The following TFEC variants were observed in gnomAD, a reference collection of about 807,000 sequenced individuals.
TFEC encodes transcription factor EC.
In TFEC, 31 loss-of-function variants were observed where a neutral mutation model predicts 41.6. The observed-to-expected ratio is 0.74, with a 90% CI of 0.56 to 1.01. The LOEUF (loss-of-function observed/expected upper bound fraction) is 1.01, where lower values mean the gene tolerates loss of function less well. Among genes scored for constraint, TFEC ranks in the 50% least tolerant of loss-of-function variants. The pLI is 0.00. For synonymous variants in TFEC, 143 were observed against 140.6 expected (o/e 1.02, Z -0.12); for missense variants, 402 against 404.1 (o/e 0.99, Z 0.04).
Position 116,001,497 on chromosome 7 carries a change from GA to G in TFEC, c.-72-16985del, listed in dbSNP as rs199873114. On this transcript the variant is annotated intron_variant, in intron 1 of 7. Transcript: ENST00000265440. Reference sequence around the variant, plus strand: ...GCGACAGAGCGAGACTCAGTCTCAGGAAAAAAAAAAAACAACCAACAAACAA... The same window carrying G: ...GCGACAGAGCGAGACTCAGTCTCAGGAAAAAAAAAAACAACCAACAAACAA... 1.4e-3 allele frequency among the ~76,000 whole-genome samples: 176 copies of G among 127,394 alleles called. No homozygotes were observed. In the East Asian group the frequency reaches 0.014, roughly 10 times the overall value. 83.6% of individuals were successfully genotyped at this position (127,394 alleles called of 152,430 possible).
intron 3 of TFEC, among the ~76,000 whole-genome samples, chr7:116,088,031 T>C (rs1029750997): frequency 6.6e-6 from 1 of 152,114 alleles, no homozygotes; most frequent in Admixed American, 6.6e-5. Flanking sequence ...ATATACAGCA[T>C]ACTCCTTCAA....
intron 1 of TFEC, among the ~76,000 whole-genome samples, chr7:116,137,263 A>G (rs941378887): frequency 2.6e-5 from 4 of 152,128 alleles, no homozygotes; most frequent in African/African-American, 7.2e-5. Flanking sequence ...GAGATATTCA[A>G]TTCTAAGTTG....
chr7:116,021,314 C>G (rs1323958099), intron 1 of TFEC, among the ~76,000 whole-genome samples: 1 of 152,164 alleles, frequency 6.6e-6, no homozygotes, highest in Non-Finnish European at 1.5e-5. Flanking sequence ...GAATTGGTAA[C>G]CCAATATCTG....
At chr7:116,103,010 G>C (rs1174817186) in intron 3 of TFEC, among the ~76,000 whole-genome samples, 4 of 152,196 alleles carry the variant, frequency 2.6e-5, no homozygotes, top group Non-Finnish European at 5.9e-5. Context: ...TCTAGTTTCT[G>C]GAGCTGCATC....
chr7:116,004,788 G>GA lies in TFEC; in HGVS notation c.-72-20276dup, dbSNP rs112030961. On this transcript the variant is annotated intron_variant, in intron 1 of 7. Transcript: ENST00000265440. ...AAGAGAAAAAGCCATCTCCTGGTTG[G>GA]AAAAAAAAAAAACATAATCATAGGG... Among the ~76,000 whole-genome samples, 594 of 142,466 alleles carry GA rather than the reference G, an allele frequency of 4.2e-3. 4 individuals carry two copies. The South Asian group carries it at 0.051, about 12-fold the overall frequency. 93.5% of individuals were successfully genotyped at this position (142,466 alleles called of 152,430 possible). A position where few individuals can be genotyped will look rare whatever the true frequency, so the allele number is the denominator to read the frequency against.
intron 2 of TFEC, among the ~76,000 whole-genome samples, chr7:115,975,110 G>C (rs1370874709): frequency 6.6e-6 from 1 of 151,892 alleles, no homozygotes; most frequent in Non-Finnish European, 1.5e-5. Flanking sequence ...AATCTTATTG[G>C]CTTTCTATTT....
At chr7:115,958,682 G>A (rs1329413378) in intron 3 of TFEC, among the ~76,000 whole-genome samples, 1 of 151,840 alleles carries the variant, frequency 6.6e-6, no homozygotes, top group African/African-American at 2.4e-5. Flanking sequence ...TAGAAATGGG[G>A]TTTAAATTCT....
At chr7:116,027,062 T>A (rs1200547618) in intron 1 of TFEC, among the ~76,000 whole-genome samples, 1 of 152,038 alleles carries the variant, frequency 6.6e-6, no homozygotes, top group Non-Finnish European at 1.5e-5. Flanking sequence ...TTCAGTAGGT[T>A]CAAATCCATT....
At chr7:116,109,802 A>G (rs906267184) in intron 3 of TFEC, among the ~76,000 whole-genome samples, 6 of 152,196 alleles carry the variant, frequency 3.9e-5, no homozygotes, top group African/African-American at 7.2e-5. Context: ...ACCATTCACA[A>G]TAGCAAAGAC....
intron 2 of TFEC, among the ~76,000 whole-genome samples, chr7:115,976,874 G>A (rs763246593): frequency 2.6e-5 from 4 of 152,032 alleles, no homozygotes; most frequent in African/African-American, 9.7e-5. Flanking sequence ...TAAATGACAC[G>A]GTCTGTTTAA....
At chr7:115,978,197 T>TA (rs1391560779) in intron 2 of TFEC, among the ~76,000 whole-genome samples, 2 of 152,036 alleles carry the variant, frequency 1.3e-5, no homozygotes, top group Non-Finnish European at 2.9e-5. Context: ...GAAACAAGGT[T>TA]AAAAAAGGTA....
At chr7:116,150,271 T>C (rs1164778837) in intron 1 of TFEC, among the ~76,000 whole-genome samples, 1 of 152,206 alleles carries the variant, frequency 6.6e-6, no homozygotes, top group Non-Finnish European at 1.5e-5. Flanking sequence ...TTTAAGCTCC[T>C]CTTCTTTGGG....
intron 1 of TFEC, among the ~76,000 whole-genome samples, chr7:116,016,772 G>GAT (rs1435190442): frequency 1.3e-5 from 2 of 151,212 alleles, no homozygotes; most frequent in African/African-American, 4.9e-5. Context: ...ATCTTATATA[G>GAT]GACACCCAGC....
Position 115,970,109 on chromosome 7 carries a change from T to C in TFEC, c.267+4061A>G, listed in dbSNP as rs369875821. ...GTTACCTATAGGACATGTATTGATATATGAGAAAAGAGGACCAAAGACTGA... is the reference window on the plus strand; with the variant it reads ...GTTACCTATAGGACATGTATTGATACATGAGAAAAGAGGACCAAAGACTGA... On this transcript the variant is annotated intron_variant, in intron 3 of 7. Transcript: ENST00000265440. 1.8e-4 allele frequency among the ~76,000 whole-genome samples: 28 copies of C among 152,064 alleles called. 1 individual carries two copies. In the East Asian group the frequency reaches 2.1e-3, roughly 12 times the overall value.
chr7:116,119,019 T>C (rs1798052127), intron 1 of TFEC, among the ~76,000 whole-genome samples: 1 of 151,970 alleles, frequency 6.6e-6, no homozygotes, highest in East Asian at 1.9e-4. Context: ...AAGCATTTTA[T>C]TGTGGATCAT....
chr7:116,008,835 G>A (rs996866759), intron 1 of TFEC, among the ~76,000 whole-genome samples: 3 of 152,136 alleles, frequency 2.0e-5, no homozygotes, highest in Non-Finnish European at 4.4e-5. Context: ...CTGAATAACT[G>A]TCAGCATATT....
At chr7:116,146,155 C>G (rs1798636642) in intron 1 of TFEC, among the ~76,000 whole-genome samples, 1 of 152,046 alleles carries the variant, frequency 6.6e-6, no homozygotes, top group Admixed American at 6.6e-5. Flanking sequence ...CAAGGAATTC[C>G]CCAACCAGCA....
Position 116,030,709 on chromosome 7 carries a change from T to C in TFEC, c.-149A>G. 5 of 985,366 alleles carry C rather than the reference T, an allele frequency of 5.1e-6. No individual in the cohort carries two copies. The highest frequency in any genetic ancestry group is 6.0e-6 in the Non-Finnish European group (5 of 829,932). 61.0% of individuals were successfully genotyped at this position (985,366 alleles called of 1,614,324 possible). ...TTATAATCCCTCTTCCCATAACATA[T>C]GCACCATGCCAGAAGGGACAACCAA... On this transcript the variant is annotated 5_prime_UTR_variant, in exon 1 of 8. Transcript: ENST00000265440.
At chr7:115,988,146 A>T (rs1419631119) in intron 1 of TFEC, among the ~76,000 whole-genome samples, 7 of 152,158 alleles carry the variant, frequency 4.6e-5, no homozygotes, top group African/African-American at 1.7e-4. Context: ...TTTCTTTTAC[A>T]TCCAGTACAT....
Sources: gnomAD v4.1 joint callset for allele counts (sites outside exome capture counted in the v4.1 genomes callset) on GRCh38, gnomAD v4.1.1 for gene constraint, MANE v1.5 for transcripts, NCBI Gene and HGNC (gene_info 2026-07-23, HGNC 2026-07-21) for gene names.